Variants in LRATD2 observed in about 807,000 individuals in gnomAD.
LRATD2 encodes the protein protein LRATD2.
In LRATD2, 10 loss-of-function variants were observed where a neutral mutation model predicts 12.0. The observed-to-expected ratio is 0.83, with a 90% CI of 0.51 to 1.41. The LOEUF is 1.41. Ranked by LOEUF, LRATD2 falls within the 40% of genes most tolerant of loss-of-function variation. The probability of loss-of-function intolerance (pLI) is 0.00; values close to 1 mark genes in which losing one functional copy is unlikely to be tolerated. For synonymous variants in LRATD2, 220 were observed against 205.8 expected (o/e 1.07, Z -0.59); for missense variants, 455 against 446.1 (o/e 1.02, Z -0.18).
At position 126,558,270 on chromosome 8, in the gene LRATD2, C is replaced by G. The variant is rs1817474999; in HGVS notation, c.-333G>C. 3.3e-5 allele frequency: 5 copies of G among 152,282 alleles called. No individual in the cohort carries two copies. In the South Asian group the frequency reaches 1.0e-3, roughly 32 times the overall value. The allele number at this position is 152,282 out of a possible 1,614,324, so 9.4% of individuals were successfully genotyped here. A position where few individuals can be genotyped will look rare whatever the true frequency, so the allele number is the denominator to read the frequency against. ...AATCCCTGTTCACACCGCGCTTCCT[C>G]CCGCCAGCTGGGGCTGCTGCCCCTC... On this transcript the variant is annotated 5_prime_UTR_variant, in exon 1 of 2. Coordinates refer to ENST00000304916, the MANE Select transcript of LRATD2 (RefSeq NM_174911.5).
rs1424873734 is a variant in LRATD2 at position 126,554,766 on chromosome 8, T to C, written c.*1691A>G. 6.6e-6 allele frequency: 1 copy of C among 152,060 alleles called. No individual in the cohort carries two copies. Among genetic ancestry groups the C allele is most frequent in the South Asian group, 2.1e-4 (1 of 4,830 alleles). The allele number at this position is 152,060 out of a possible 1,614,324, so 9.4% of individuals were successfully genotyped here. A position where few individuals can be genotyped will look rare whatever the true frequency, so the allele number is the denominator to read the frequency against. On this transcript the variant is annotated 3_prime_UTR_variant, in exon 2 of 2. Coordinates refer to ENST00000304916, the MANE Select transcript of LRATD2 (RefSeq NM_174911.5). The stretch of plus-strand genomic sequence containing the variant: ...TAGCCATGGCTGTACCACTTAACTA[T>C]GATTCTATTCCAACTGTTCAGAATC...
rs1817317395 is a variant in LRATD2 at position 126,553,304 on chromosome 8, C to G, written c.*3153G>C. On this transcript the variant is annotated 3_prime_UTR_variant, in exon 2 of 2. Coordinates refer to ENST00000304916, the MANE Select transcript of LRATD2 (RefSeq NM_174911.5). ...AGTTGTGTAGCTGAAGTTGTGGGCT[C>G]CTTTGACATACATAAGCAGTTTCAA... is the stretch of plus-strand genomic sequence containing the variant. The G allele has an allele frequency of 6.6e-6, 1 of 152,586 alleles. No individual in the cohort carries two copies. Among genetic ancestry groups the G allele is most frequent in the Non-Finnish European group, 1.5e-5 (1 of 68,020 alleles). 9.5% of individuals were successfully genotyped at this position (152,586 alleles called of 1,614,324 possible).
In LRATD2 at chr8:126,557,437, C is replaced by A. The variant is rs1276268287; in HGVS notation, c.-48G>T. The A allele has an allele frequency of 1.8e-5, 29 of 1,594,220 alleles. No individual in the cohort carries two copies. The East Asian group carries it at 5.8e-4, about 32-fold the overall frequency. On this transcript the variant is annotated 5_prime_UTR_variant, in exon 2 of 2. Transcript: ENST00000304916. The surrounding 1 kb of genome is among the most constrained non-coding windows in gnomAD (Gnocchi z 5.3). ...ACCGCCGCAAGGGGAGAAAGCGAAA[C>A]CAACTCCAGGGTCATTTGCACAGGT...
chr8:126,556,064 A>T lies in LRATD2; in HGVS notation c.*393T>A, dbSNP rs1289086705. On this transcript the variant is annotated 3_prime_UTR_variant, in exon 2 of 2. Coordinates refer to ENST00000304916, the MANE Select transcript of LRATD2 (RefSeq NM_174911.5). This position sits in a 1 kb window ranked among gnomAD's most constrained non-coding sequence, Gnocchi z 5.6. ...TGGCCTTTCTACCAGGATTCTTCCA[A>T]GCCCAGGATAGGAAGCAACGGCAGG... The T allele has an allele frequency of 4.7e-6, 1 of 211,782 alleles. No homozygotes were observed. The highest frequency in any genetic ancestry group is 9.3e-6 in the Non-Finnish European group (1 of 108,026). The allele number at this position is 211,782 out of a possible 1,614,324, so 13.1% of individuals were successfully genotyped here.
rs1175411669 is a variant in LRATD2, at chr8:126,556,533, G to A, written c.857C>T (p.Ala286Val). 5.0e-6 allele frequency: 8 copies of A among 1,600,928 alleles called. No individual in the cohort carries two copies. The highest frequency in any genetic ancestry group is 6.8e-6 in the Non-Finnish European group (8 of 1,175,016). The change falls in exon 2 of 2, where the codon GCG becomes GTG. Residue 286 changes from alanine to valine, a missense_variant. By Grantham distance (64) the Ala-to-Val change is moderately conservative. Coordinates refer to ENST00000304916, the MANE Select transcript of LRATD2 (RefSeq NM_174911.5). The surrounding 1 kb of genome is among the most constrained non-coding windows in gnomAD (Gnocchi z 5.6). Reference sequence around the variant, plus strand: ...GCGCCCGGGAGGCGGCGTAGTCCGCGCCACGTTGCTGTCGCCCTCCTCCGG... The same window carrying A: ...GCGCCCGGGAGGCGGCGTAGTCCGCACCACGTTGCTGTCGCCCTCCTCCGG... ...AEPEEGDSNV[A>V]RTTPPPGRPP...
At position 126,556,875 on chromosome 8, in the gene LRATD2, C is replaced by A. The variant is rs753343531; in HGVS notation, c.515G>T (p.Arg172Leu). Residue 172 changes from arginine (R) to leucine (L), a missense_variant, in exon 2 of 2, where the codon CGC becomes CTC. Physicochemically the swap from Arg to Leu is moderately radical, Grantham distance 102. Coordinates refer to ENST00000304916, the MANE Select transcript of LRATD2 (RefSeq NM_174911.5). This position sits in a 1 kb window ranked among gnomAD's most constrained non-coding sequence, Gnocchi z 5.6. ...RRGRVVNDLYRYKPLSSSAVV... is the reference protein window; with the variant it reads ...RRGRVVNDLYLYKPLSSSAVV... The stretch of plus-strand genomic sequence containing the variant: ...GGCGCTGGAGCTTAGCGGCTTGTAG[C>A]GGTACAGATCGTTGACCACGCGGCC... 6.2e-7 allele frequency: 1 copy of A among 1,606,648 alleles called. No homozygotes were observed. Among genetic ancestry groups the A allele is most frequent in the South Asian group, 1.1e-5 (1 of 90,908 alleles).
In LRATD2 at chr8:126,556,582, C is replaced by T. The variant is rs368094139; in HGVS notation, c.808G>A (p.Ala270Thr). The change falls in exon 2 of 2, where the codon GCC (alanine) becomes ACC (threonine). Residue 270 changes from alanine to threonine, a missense_variant. By Grantham distance (58) the Ala-to-Thr change is moderately conservative. Transcript: ENST00000304916. This position sits in a 1 kb window ranked among gnomAD's most constrained non-coding sequence, Gnocchi z 5.6. ...IGRAAVLQELATHLHPAEPEE... is the reference protein window; with the variant it reads ...IGRAAVLQELTTHLHPAEPEE... Reference sequence around the variant, plus strand: ...GGCTCCGCCGGGTGCAGGTGCGTGGCGAGCTCCTGCAGCACGGCCGCGCGC... The same window carrying T: ...GGCTCCGCCGGGTGCAGGTGCGTGGTGAGCTCCTGCAGCACGGCCGCGCGC... 2.2e-5 allele frequency: 36 copies of T among 1,609,402 alleles called. No individual in the cohort carries two copies. Among genetic ancestry groups the T allele is most frequent in the Non-Finnish European group, 2.9e-5 (34 of 1,178,018 alleles).
At position 126,557,068 on chromosome 8, in the gene LRATD2, T is replaced by C. The variant is rs1367727112; in HGVS notation, c.322A>G (p.Thr108Ala). ...CACTTGTTGAGCAGGTTCTCGGGCG[T>C]GTAGGTACTCAGCGCCGCCGAGCCC... ...APGSAALSTYTPENLLNKCKP... is the reference protein window; with the variant it reads ...APGSAALSTYAPENLLNKCKP... Residue 108 changes from threonine to alanine, a missense_variant, in exon 2 of 2, where the codon ACG (threonine) becomes GCG (alanine). Physicochemically the swap from Thr to Ala is moderately conservative, Grantham distance 58. Transcript: ENST00000304916. This position sits in a 1 kb window ranked among gnomAD's most constrained non-coding sequence, Gnocchi z 5.3. 6.2e-7 allele frequency: 1 copy of C among 1,609,340 alleles called. No individual in the cohort carries two copies. Among genetic ancestry groups the C allele is most frequent in the African/African-American group, 1.3e-5 (1 of 75,012 alleles).
At position 126,556,839 on chromosome 8, in the gene LRATD2, T is replaced by C. The variant is rs1399182426; in HGVS notation, c.551A>G (p.Asn184Ser). ...KPLSSSAVVRNALAHVGAKER... is the reference protein window; with the variant it reads ...KPLSSSAVVRSALAHVGAKER... ...CTTGGCACCCACGTGCGCCAGCGCG[T>C]TGCGCACCACGGCGCTGGAGCTTAG... is the stretch of plus-strand genomic sequence containing the variant. The change falls in exon 2 of 2, where the codon AAC becomes AGC. Residue 184 changes from asparagine to serine, a missense_variant. Asn to Ser is a conservative substitution (Grantham distance 46, BLOSUM62 1). Transcript: ENST00000304916. This position sits in a 1 kb window ranked among gnomAD's most constrained non-coding sequence, Gnocchi z 5.6. 1 of 1,605,054 alleles carries C rather than the reference T, an allele frequency of 6.2e-7. No individual in the cohort carries two copies. Among genetic ancestry groups the C allele is most frequent in the Non-Finnish European group, 8.5e-7 (1 of 1,179,014 alleles).
At position 126,556,594 on chromosome 8, in the gene LRATD2, G is replaced by A; in HGVS notation, c.796C>T (p.Leu266=). ...TGCAGGTGCGTGGCGAGCTCCTGCA[G>A]CACGGCCGCGCGCCCGATCTGGTCG... is the stretch of plus-strand genomic sequence containing the variant. ...RNDQIGRAAV[L]QELATHLHPA... Residue 266 remains leucine (L), a synonymous_variant, in exon 2 of 2, where the codon CTG becomes TTG. Transcript: ENST00000304916. The surrounding 1 kb of genome is among the most constrained non-coding windows in gnomAD (Gnocchi z 5.6). 1.2e-6 allele frequency: 2 copies of A among 1,610,048 alleles called. No individual in the cohort carries two copies. Among genetic ancestry groups the A allele is most frequent in the Non-Finnish European group, 1.7e-6 (2 of 1,178,194 alleles).
In LRATD2 at chr8:126,557,403, C is replaced by T; in HGVS notation, c.-14G>A. Reference sequence around the variant, plus strand: ...CTGGTTGCCCATCACGCTGCGGACACACGTTCACACCGCCGCAAGGGGAGA... The same window carrying T: ...CTGGTTGCCCATCACGCTGCGGACATACGTTCACACCGCCGCAAGGGGAGA... On this transcript the variant is annotated 5_prime_UTR_variant, in exon 2 of 2. In the 5' UTR this introduces an upstream ATG that the reference lacks. Coordinates refer to ENST00000304916, the MANE Select transcript of LRATD2 (RefSeq NM_174911.5). This position sits in a 1 kb window ranked among gnomAD's most constrained non-coding sequence, Gnocchi z 5.3. 1 of 1,608,900 alleles carries T rather than the reference C, an allele frequency of 6.2e-7. No homozygotes were observed. The highest frequency in any genetic ancestry group is 8.5e-7 in the Non-Finnish European group (1 of 1,178,904).
Position 126,557,580 on chromosome 8 carries a change from G to A in LRATD2, c.-96-95C>T. The A allele has an allele frequency of 1.6e-6, 1 of 629,752 alleles. No individual in the cohort carries two copies. The highest frequency in any genetic ancestry group is 2.1e-5 in the South Asian group (1 of 48,586). The allele number at this position is 629,752 out of a possible 1,614,324, so 39.0% of individuals were successfully genotyped here. On this transcript the variant is annotated intron_variant, in intron 1 of 1. Transcript: ENST00000304916. This position sits in a 1 kb window ranked among gnomAD's most constrained non-coding sequence, Gnocchi z 5.3. ...AGAATCGGTGGGGGCTCAGCACCTG[G>A]AGCCATTTTAGGGGGAAGTCTCGGG...
Position 126,557,413 on chromosome 8 carries a change from C to T in LRATD2, c.-24G>A. 1 of 1,608,130 alleles carries T rather than the reference C, an allele frequency of 6.2e-7. No homozygotes were observed. ...ATCACGCTGCGGACACACGTTCACA[C>T]CGCCGCAAGGGGAGAAAGCGAAACC... is the stretch of plus-strand genomic sequence containing the variant. On this transcript the variant is annotated 5_prime_UTR_variant, in exon 2 of 2. In the 5' UTR this introduces an upstream ATG that the reference lacks. Transcript: ENST00000304916. The surrounding 1 kb of genome is among the most constrained non-coding windows in gnomAD (Gnocchi z 5.3).
At position 126,557,397 on chromosome 8, in the gene LRATD2, C is replaced by G. The variant is rs202073050; in HGVS notation, c.-8G>C. On this transcript the variant is annotated 5_prime_UTR_variant, in exon 2 of 2. Coordinates refer to ENST00000304916, the MANE Select transcript of LRATD2 (RefSeq NM_174911.5). The surrounding 1 kb of genome is among the most constrained non-coding windows in gnomAD (Gnocchi z 5.3). ...CTCCACCTGGTTGCCCATCACGCTGCGGACACACGTTCACACCGCCGCAAG... is the reference window on the plus strand; with the variant it reads ...CTCCACCTGGTTGCCCATCACGCTGGGGACACACGTTCACACCGCCGCAAG... 2 of 1,612,206 alleles carry G rather than the reference C, an allele frequency of 1.2e-6. No homozygotes were observed. Among genetic ancestry groups the G allele is most frequent in the Admixed American group, 3.4e-5 (2 of 59,270 alleles).
rs79248636 is a variant in LRATD2, at chr8:126,556,557, G to A, written c.833C>T (p.Pro278Leu). Reference protein sequence around the residue: ...ELATHLHPAEPEEGDSNVART... With the variant: ...ELATHLHPAELEEGDSNVART... The stretch of plus-strand genomic sequence containing the variant: ...CGCCACGTTGCTGTCGCCCTCCTCC[G>A]GCTCCGCCGGGTGCAGGTGCGTGGC... Residue 278 changes from proline to leucine, a missense_variant, in exon 2 of 2, where the codon CCG (proline) becomes CTG (leucine). Coordinates refer to ENST00000304916, the MANE Select transcript of LRATD2 (RefSeq NM_174911.5). The surrounding 1 kb of genome is among the most constrained non-coding windows in gnomAD (Gnocchi z 5.6). The A allele has an allele frequency of 1.3e-5, 21 of 1,606,640 alleles. No homozygotes were observed. The Admixed American group carries it at 2.2e-4, about 17-fold the overall frequency.
chr8:126,557,672 T>G lies in LRATD2; in HGVS notation c.-96-187A>C. On this transcript the variant is annotated intron_variant, in intron 1 of 1. Coordinates refer to ENST00000304916, the MANE Select transcript of LRATD2 (RefSeq NM_174911.5). This position sits in a 1 kb window ranked among gnomAD's most constrained non-coding sequence, Gnocchi z 5.3. ...GTCACAGGAGACTGGGCAACTCCTG[T>G]TCTCCCTGTCCCCAGCCCTTCGCCT... is the stretch of plus-strand genomic sequence containing the variant. 2 of 476,722 alleles carry G rather than the reference T, an allele frequency of 4.2e-6. No individual in the cohort carries two copies. Among genetic ancestry groups the G allele is most frequent in the Non-Finnish European group, 7.4e-6 (2 of 270,012 alleles). 29.5% of individuals were successfully genotyped at this position (476,722 alleles called of 1,614,324 possible).
Position 126,556,301 on chromosome 8 carries a change from AGCC to A in LRATD2, c.*153_*155del. The A allele has an allele frequency of 1.2e-6, 1 of 867,064 alleles. No individual in the cohort carries two copies. Among genetic ancestry groups the A allele is most frequent in the Admixed American group, 3.6e-5 (1 of 28,068 alleles). The allele number at this position is 867,064 out of a possible 1,614,324, so 53.7% of individuals were successfully genotyped here. A position where few individuals can be genotyped will look rare whatever the true frequency, so the allele number is the denominator to read the frequency against. On this transcript the variant is annotated 3_prime_UTR_variant, in exon 2 of 2. Coordinates refer to ENST00000304916, the MANE Select transcript of LRATD2 (RefSeq NM_174911.5). This position sits in a 1 kb window ranked among gnomAD's most constrained non-coding sequence, Gnocchi z 5.6. ...GTCCCCTTCCTCCTCCCCCGTCCAC[AGCC>A]GGCTGCGCATTTCACCAACTCTTTT...
At position 126,556,843 on chromosome 8, in the gene LRATD2, G is replaced by A; in HGVS notation, c.547C>T (p.Arg183Cys). The A allele has an allele frequency of 6.2e-7, 1 of 1,605,270 alleles. No individual in the cohort carries two copies. The change falls in exon 2 of 2, where the codon CGC becomes TGC. Residue 183 changes from arginine (R) to cysteine (C), a missense_variant. Physicochemically the swap from Arg to Cys is radical, Grantham distance 180. Coordinates refer to ENST00000304916, the MANE Select transcript of LRATD2 (RefSeq NM_174911.5). The surrounding 1 kb of genome is among the most constrained non-coding windows in gnomAD (Gnocchi z 5.6). The stretch of plus-strand genomic sequence containing the variant: ...GCACCCACGTGCGCCAGCGCGTTGC[G>A]CACCACGGCGCTGGAGCTTAGCGGC... Reference protein sequence around the residue: ...YKPLSSSAVVRNALAHVGAKE... With the variant: ...YKPLSSSAVVCNALAHVGAKE...
rs1817449964 is a variant in LRATD2, at chr8:126,557,653, G to A, written c.-96-168C>T. 3 of 525,946 alleles carry A rather than the reference G, an allele frequency of 5.7e-6. No individual in the cohort carries two copies. The highest frequency in any genetic ancestry group is 2.4e-5 in the South Asian group (1 of 42,508). The allele number at this position is 525,946 out of a possible 1,614,324, so 32.6% of individuals were successfully genotyped here. On this transcript the variant is annotated intron_variant, in intron 1 of 1. Transcript: ENST00000304916. The surrounding 1 kb of genome is among the most constrained non-coding windows in gnomAD (Gnocchi z 5.3). The stretch of plus-strand genomic sequence containing the variant: ...CTCCACCTGTAAGGTCACGGTCACA[G>A]GAGACTGGGCAACTCCTGTTCTCCC...
Sources: allele counts gnomAD v4.1 joint callset, GRCh38; gene constraint gnomAD v4.1.1; non-coding constraint Gnocchi (gnomAD v3.1); transcripts MANE v1.5; gene names NCBI Gene and HGNC (gene_info 2026-07-23, HGNC 2026-07-21).